SSTR3: variants seen among roughly 807,000 people sequenced by gnomAD.
SSTR3 encodes the protein somatostatin receptor 3, also known as somatostatin receptor type 3.
For synonymous variants in SSTR3, 281 were observed against 269.2 expected (o/e 1.04, Z -0.43); for missense variants, 504 against 604.7 (o/e 0.83, Z 1.75).
intron 1 of SSTR3, among the ~76,000 whole-genome samples, chr22:37,211,248 C>T (rs187653916): frequency 6.6e-6 from 1 of 152,216 alleles, no homozygotes; most frequent in Admixed American, 6.5e-5. Context: ...GGCCTTCCCC[C>T]CAAAGACACC....
At chr22:37,220,280 G>A in the SSTR3 span, among the ~76,000 whole-genome samples, 1 of 152,016 alleles carries the variant, frequency 6.6e-6, no homozygotes, top group African/African-American at 2.4e-5. Context: ...AGGTAGAAGG[G>A]GCCTGGCACA....
rs1925706993 is a variant in SSTR3, at chr22:37,205,971, G to A, written c.*576C>T. On this transcript the variant is annotated 3_prime_UTR_variant, in exon 2 of 2. Coordinates refer to ENST00000610913, the MANE Select transcript of SSTR3 (RefSeq NM_001051.5). ...CCTGGGCCAAAAGGGTGTAGAGGTT[G>A]TTGGGTTTTACCCAGGTGAAGCCTG... 6.6e-6 allele frequency: 1 copy of A among 152,376 alleles called. No individual in the cohort carries two copies. Among genetic ancestry groups the A allele is most frequent in the Non-Finnish European group, 1.5e-5 (1 of 68,174 alleles). 9.4% of individuals were successfully genotyped at this position (152,376 alleles called of 1,614,324 possible).
At chr22:37,215,131 C>T (rs1302916011), upstream of SSTR3, among the ~76,000 whole-genome samples, 1 of 152,244 alleles carries the variant, frequency 6.6e-6, no homozygotes, top group Non-Finnish European at 1.5e-5. Flanking sequence ...CTTTATGCCC[C>T]TTATGCCTCG....
intron 1 of SSTR3, among the ~76,000 whole-genome samples, chr22:37,208,359 T>C (rs879594132): frequency 6.6e-5 from 10 of 152,362 alleles, no homozygotes; most frequent in African/African-American, 1.7e-4. Flanking sequence ...ATCAGATTCT[T>C]CAGGTTCCAA....
At chr22:37,207,945 T>A in intron 1 of SSTR3, 106 bp from the exon 2 acceptor site, 1 of 1,346,626 alleles carries the variant, frequency 7.4e-7, no homozygotes, top group Non-Finnish European at 9.5e-7. Flanking sequence ...CATCCTCCCA[T>A]CGTCTGAGAG....
chr22:37,218,599 G>T, the SSTR3 span, among the ~76,000 whole-genome samples: 6 of 152,158 alleles, frequency 3.9e-5, no homozygotes, highest in Non-Finnish European at 7.3e-5. Flanking sequence ...CTGGAGCATG[G>T]TAGGAGTGAT....
chr22:37,208,788 G>C (rs1042557488), intron 1 of SSTR3, among the ~76,000 whole-genome samples: 2 of 152,188 alleles, frequency 1.3e-5, no homozygotes, highest in African/African-American at 4.8e-5. Flanking sequence ...GGAGTCTCCA[G>C]CCAGCTTTGG....
rs752669676 is a variant in SSTR3, at chr22:37,207,563, C to T, written c.241G>A (p.Val81Ile). 1.2e-5 allele frequency: 19 copies of T among 1,613,544 alleles called. No homozygotes were observed. Among genetic ancestry groups the T allele is most frequent in the Middle Eastern group, 1.6e-4 (1 of 6,084 alleles). ...RHTASPSVTNVYILNLALADE... is the reference protein window; with the variant it reads ...RHTASPSVTNIYILNLALADE... ...GCCAGCGCCAGGTTGAGGATGTAGA[C>T]GTTGGTGACTGAAGGGCTGGCCGTG... The change falls in exon 2 of 2, where the codon GTC (valine) becomes ATC (isoleucine). Residue 81 changes from valine (V) to isoleucine (I), a missense_variant. Val to Ile is a conservative substitution (Grantham distance 29). Coordinates refer to ENST00000610913, the MANE Select transcript of SSTR3 (RefSeq NM_001051.5).
At chr22:37,210,833 C>A (rs536527351) in intron 1 of SSTR3, 3 of 985,474 alleles carry the variant, frequency 3.0e-6, no homozygotes, top group East Asian at 2.3e-4. Context: ...AAGGCAGGGG[C>A]CCTGAATGAT....
At chr22:37,217,172 A>G (rs1261452027), upstream of SSTR3, among the ~76,000 whole-genome samples, 1 of 152,188 alleles carries the variant, frequency 6.6e-6, no homozygotes, top group African/African-American at 2.4e-5. Context: ...AAAATAGTGA[A>G]TTCCCCTCTC....
chr22:37,212,269 T>C lies in SSTR3; in HGVS notation c.-481A>G. On this transcript the variant is annotated 5_prime_UTR_variant, in exon 1 of 2. Transcript: ENST00000610913. ...AGAGAGGGAGAGGGAGAGGAGACCG[T>C]GAGTAGGAGGAAAGGCAGAATGAGG... 2 of 380,392 alleles carry C rather than the reference T, an allele frequency of 5.3e-6. No homozygotes were observed. Among genetic ancestry groups the C allele is most frequent in the Non-Finnish European group, 7.0e-6 (2 of 287,388 alleles). The allele number at this position is 380,392 out of a possible 1,614,324, so 23.6% of individuals were successfully genotyped here. A position where few individuals can be genotyped will look rare whatever the true frequency, so the allele number is the denominator to read the frequency against.
the SSTR3 span, among the ~76,000 whole-genome samples, chr22:37,218,652 A>G: frequency 7.9e-6 from 1 of 126,600 alleles, no homozygotes; most frequent in African/African-American, 2.7e-5. Context: ...TTTGCAAGGC[A>G]TCATCGAATT....
At chr22:37,218,131 A>G in the SSTR3 span, among the ~76,000 whole-genome samples, 1 of 152,176 alleles carries the variant, frequency 6.6e-6, no homozygotes, top group African/African-American at 2.4e-5. Context: ...TCACTGCATC[A>G]TCTTTATTGC....
upstream of SSTR3, among the ~76,000 whole-genome samples, chr22:37,213,135 G>A (rs1926287846): frequency 6.6e-6 from 1 of 152,178 alleles, no homozygotes; most frequent in Non-Finnish European, 1.5e-5. Flanking sequence ...CAAACCGATT[G>A]CAAATGTTCA....
At chr22:37,219,155 CT>C in the SSTR3 span, among the ~76,000 whole-genome samples, 3 of 152,190 alleles carry the variant, frequency 2.0e-5, no homozygotes, top group Admixed American at 6.5e-5. Context: ...GTCGTGGCTG[CT>C]TTTCAGCGAG....
chr22:37,218,818 G>A, the SSTR3 span, among the ~76,000 whole-genome samples: 17 of 152,196 alleles, frequency 1.1e-4, no homozygotes, highest in East Asian at 2.9e-3. Context: ...GGGTGGTGCT[G>A]GGGGATCTCA....
Position 37,207,687 on chromosome 22 carries a change from C to A in SSTR3, c.117G>T (p.Gly39=). 1.3e-6 allele frequency: 2 copies of A among 1,564,008 alleles called. No homozygotes were observed. The highest frequency in any genetic ancestry group is 1.7e-6 in the Non-Finnish European group (2 of 1,151,792). ...GNVSAGPSPA[G]LAVSGVLIPL... ...GGATCAGAACGCCACTGACGGCCAG[C>A]CCTGCCGGGCTTGGGCCCGCCGACA... Residue 39 remains glycine (G), a synonymous_variant, in exon 2 of 2, where the codon GGG becomes GGT. Coordinates refer to ENST00000610913, the MANE Select transcript of SSTR3 (RefSeq NM_001051.5).
the SSTR3 span, among the ~76,000 whole-genome samples, chr22:37,218,295 A>C: frequency 2.0e-5 from 3 of 152,124 alleles, no homozygotes; most frequent in African/African-American, 4.8e-5. Flanking sequence ...GGTGGCTCAC[A>C]CCTGTAATCC....
chr22:37,212,538 A>G (rs1408750259), upstream of SSTR3, among the ~76,000 whole-genome samples: 1 of 150,904 alleles, frequency 6.6e-6, no homozygotes, highest in African/African-American at 2.4e-5. Context: ...GGTGCAGGTT[A>G]AGGGAGGAGG....
Sources: gnomAD v4.1 joint callset for allele counts (sites outside exome capture counted in the v4.1 genomes callset) on GRCh38, gnomAD v4.1.1 for gene constraint, MANE v1.5 for transcripts, NCBI Gene and HGNC (gene_info 2026-07-23, HGNC 2026-07-21) for gene names.